CA10: variants seen among roughly 807,000 people sequenced by gnomAD.
CA10 encodes carbonic anhydrase-related protein 10.
A neutral mutation model predicts 44.2 loss-of-function variants in CA10; 14 were observed. The observed-to-expected ratio is 0.32, with a 90% CI of 0.21 to 0.50. The LOEUF (loss-of-function observed/expected upper bound fraction) is 0.50. Among genes scored for constraint, CA10 ranks in the 20% least tolerant of loss-of-function variants. The pLI is 0.99. For missense variants in CA10, 350 were observed against 409.7 expected, an observed-to-expected ratio of 0.85 and a Z score of 1.26; for synonymous variants, 159 against 141.6, an observed-to-expected ratio of 1.12 and a Z score of -0.87.
At chr17:51,737,287 T>G (rs1285581209) in intron 4 of CA10, among the ~76,000 whole-genome samples, 2 of 152,150 alleles carry the variant, frequency 1.3e-5, no homozygotes, top group African/African-American at 2.4e-5. Flanking sequence ...CTGGGTGTGA[T>G]AAGGCCCTAA....
At chr17:51,847,181 A>G (rs762584411) in intron 3 of CA10, among the ~76,000 whole-genome samples, 1 of 152,212 alleles carries the variant, frequency 6.6e-6, no homozygotes, top group African/African-American at 2.4e-5. Flanking sequence ...CTCTTTCCTT[A>G]ATCTGTGGTT....
intron 6 of CA10, among the ~76,000 whole-genome samples, chr17:51,645,792 C>T (rs1256796804): frequency 2.0e-5 from 3 of 152,214 alleles, no homozygotes; most frequent in Non-Finnish European, 4.4e-5. Flanking sequence ...TGCTCTTCTA[C>T]TATGGAAGAA....
chr17:51,725,553 G>A (rs571479213), intron 4 of CA10, among the ~76,000 whole-genome samples: 2 of 152,334 alleles, frequency 1.3e-5, no homozygotes, highest in African/African-American at 2.4e-5. Context: ...TCCCTAGGAT[G>A]TGGGAGAGGG....
chr17:51,811,593 T>A (rs529223505), intron 3 of CA10, among the ~76,000 whole-genome samples: 1 of 152,334 alleles, frequency 6.6e-6, no homozygotes, highest in African/African-American at 2.4e-5. Flanking sequence ...GCTTCATTCA[T>A]GTCCCTGAAA....
At chr17:52,104,669 T>C (rs911487941) in intron 1 of CA10, among the ~76,000 whole-genome samples, 1 of 152,154 alleles carries the variant, frequency 6.6e-6, no homozygotes, top group Non-Finnish European at 1.5e-5. Context: ...CCTGGAATGT[T>C]TCCCAGGTGC....
intron 4 of CA10, among the ~76,000 whole-genome samples, chr17:51,705,606 A>AT (rs1915739447): frequency 6.6e-6 from 1 of 151,988 alleles, no homozygotes; most frequent in Non-Finnish European, 1.5e-5. Flanking sequence ...TAGCATCCTT[A>AT]TTGGGGTAAT....
At chr17:52,010,929 T>G (rs1192892051) in intron 2 of CA10, among the ~76,000 whole-genome samples, 1 of 150,922 alleles carries the variant, frequency 6.6e-6, no homozygotes, top group Non-Finnish European at 1.5e-5. Context: ...TTTCAGCAAA[T>G]TTACTGTAGA....
chr17:52,034,564 A>G (rs1404555096), intron 2 of CA10, among the ~76,000 whole-genome samples: 1 of 152,114 alleles, frequency 6.6e-6, no homozygotes, highest in African/African-American at 2.4e-5. Flanking sequence ...GGATGGTTAC[A>G]TAGGAGTCCC....
At chr17:51,801,051 C>T (rs1396157688) in intron 3 of CA10, among the ~76,000 whole-genome samples, 1 of 152,136 alleles carries the variant, frequency 6.6e-6, no homozygotes, top group East Asian at 1.9e-4. Flanking sequence ...GTGGAATGGA[C>T]CTGCCTTTCC....
At chr17:52,123,278 A>G (rs1299099902) in intron 1 of CA10, among the ~76,000 whole-genome samples, 1 of 151,990 alleles carries the variant, frequency 6.6e-6, no homozygotes, top group Non-Finnish European at 1.5e-5. Flanking sequence ...AGCTTTATAA[A>G]ACTGTAATGT....
intron 2 of CA10, among the ~76,000 whole-genome samples, chr17:51,951,824 T>G (rs1324784643): frequency 2.0e-5 from 3 of 152,158 alleles, no homozygotes; most frequent in African/African-American, 7.2e-5. Context: ...GAGGTTGCCT[T>G]GGGAGGGAGA....
At chr17:51,728,775 C>A (rs946808521) in intron 4 of CA10, among the ~76,000 whole-genome samples, 1 of 152,112 alleles carries the variant, frequency 6.6e-6, no homozygotes, top group Non-Finnish European at 1.5e-5. Context: ...CTAAGTCCTG[C>A]CCACCACACT....
chr17:52,053,182 TGAAG>T (rs1987126718), intron 2 of CA10, among the ~76,000 whole-genome samples: 1 of 152,116 alleles, frequency 6.6e-6, no homozygotes, highest in South Asian at 2.1e-4. Flanking sequence ...TCCTATATCT[TGAAG>T]GAAGATGGTG....
intron 5 of CA10, among the ~76,000 whole-genome samples, chr17:51,653,296 G>A (rs757746860): frequency 6.6e-6 from 1 of 152,180 alleles, no homozygotes; most frequent in Admixed American, 6.5e-5. Flanking sequence ...ATCCTGTGGG[G>A]CATTAGTGAG....
In CA10 at chr17:51,649,168, T is replaced by G; in HGVS notation, c.634+14A>C. 6.2e-7 allele frequency: 1 copy of G among 1,600,014 alleles called. No individual in the cohort carries two copies. Among genetic ancestry groups the G allele is most frequent in the Non-Finnish European group, 8.6e-7 (1 of 1,167,236 alleles). Reference sequence around the variant, plus strand: ...ATAGAATAGTTGCTGTGGAGGAAATTGAACCAAACTTACTTTTATATGTTA... The same window carrying G: ...ATAGAATAGTTGCTGTGGAGGAAATGGAACCAAACTTACTTTTATATGTTA... On this transcript the variant is annotated intron_variant, in intron 6 of 8. Transcript: ENST00000451037.
chr17:51,689,807 T>C (rs1222492102), intron 4 of CA10, among the ~76,000 whole-genome samples: 1 of 152,208 alleles, frequency 6.6e-6, no homozygotes, highest in Non-Finnish European at 1.5e-5. Context: ...AACTGACAAA[T>C]GAAAATTCAA....
chr17:51,976,625 G>C (rs1434634678), intron 2 of CA10, among the ~76,000 whole-genome samples: 1 of 151,906 alleles, frequency 6.6e-6, no homozygotes, highest in Non-Finnish European at 1.5e-5. Flanking sequence ...GAAATTTATA[G>C]TGTTACATGT....
rs531417460 is a variant in CA10, at chr17:51,834,869, C to A, written c.280-87051G>T. ...TAATGGCAACCATCCTAGTGTCATG[C>A]AAAAGCAGACTTTATTGGGCAAATT... On this transcript the variant is annotated intron_variant, in intron 3 of 8. Coordinates refer to ENST00000451037, the MANE Select transcript of CA10 (RefSeq NM_020178.5). Among the ~76,000 whole-genome samples the A allele has an allele frequency of 2.7e-4, 41 of 152,242 alleles. 1 individual carries two copies. In the East Asian group the frequency reaches 5.6e-3, roughly 21 times the overall value.
intron 2 of CA10, among the ~76,000 whole-genome samples, chr17:51,932,642 T>C (rs951602779): frequency 2.6e-5 from 4 of 152,108 alleles, no homozygotes; most frequent in Non-Finnish European, 5.9e-5. Context: ...GGCTTTTTAG[T>C]CATTAATGAC....
Sources: gnomAD v4.1 joint callset for allele counts (sites outside exome capture counted in the v4.1 genomes callset) on GRCh38, gnomAD v4.1.1 for gene constraint, MANE v1.5 for transcripts, NCBI Gene and HGNC (gene_info 2026-07-23, HGNC 2026-07-21) for gene names.